ATP8A1: variants seen among roughly 807,000 people sequenced by gnomAD.
ATP8A1 encodes the protein phospholipid-transporting ATPase IA.
ATP8A1 carries 90 observed loss-of-function variants against 177.7 expected under a neutral mutation model. That is an observed-to-expected ratio of 0.51 (90% CI 0.43 to 0.60). The LOEUF (loss-of-function observed/expected upper bound fraction) is 0.60, where lower values mean the gene tolerates loss of function less well. Ranked by LOEUF, ATP8A1 falls within the 20% of genes least tolerant of loss-of-function variation. The pLI is 0.00. For missense variants in ATP8A1, 1,072 were observed against 1,392.8 expected (o/e 0.77, Z 3.67); for synonymous variants, 493 against 485.9 (o/e 1.01, Z -0.19).
chr4:42,430,313 C>T (rs1210388569), intron 33 of ATP8A1, among the ~76,000 whole-genome samples: 1 of 152,000 alleles, frequency 6.6e-6, no homozygotes, highest in African/African-American at 2.4e-5. Context: ...GTTCCCTGTA[C>T]ATACTATTCT....
At chr4:42,558,993 C>T (rs766004960) in intron 15 of ATP8A1, among the ~76,000 whole-genome samples, 1 of 152,112 alleles carries the variant, frequency 6.6e-6, no homozygotes, top group South Asian at 2.1e-4. Flanking sequence ...CTGGGCAACA[C>T]AGCAAGACCT....
At chr4:42,466,693 T>C (rs1191303016) in intron 25 of ATP8A1, among the ~76,000 whole-genome samples, 1 of 152,272 alleles carries the variant, frequency 6.6e-6, no homozygotes, top group African/African-American at 2.4e-5. Context: ...ATGACACAAC[T>C]GTGAACTCAG....
intron 14 of ATP8A1, 118 bp downstream of exon 14, chr4:42,574,501 C>A: frequency 1.3e-6 from 1 of 750,118 alleles, no homozygotes; most frequent in Non-Finnish European, 2.2e-6. Context: ...AGCTGCTTTT[C>A]AGACTAAAAA....
chr4:42,519,106 GA>G (rs1309285590), intron 22 of ATP8A1, among the ~76,000 whole-genome samples: 3 of 152,010 alleles, frequency 2.0e-5, no homozygotes, highest in Non-Finnish European at 4.4e-5. Flanking sequence ...TTTTTACCTT[GA>G]GACAGGGTCT....
intron 20 of ATP8A1, among the ~76,000 whole-genome samples, chr4:42,539,566 A>G (rs1293990630): frequency 2.0e-5 from 3 of 152,180 alleles, no homozygotes; most frequent in Admixed American, 1.3e-4. Context: ...TTACAAGGCT[A>G]TAGTAACCAA....
chr4:42,422,826 C>A lies in ATP8A1; in HGVS notation c.3286G>T (p.Ala1096Ser), dbSNP rs2153167890. The change falls in exon 35 of 37, where the codon GCA (alanine) becomes TCA (serine). Residue 1096 changes from alanine to serine, a missense_variant. Ala to Ser is a moderately conservative substitution (Grantham distance 99). Transcript: ENST00000381668. Reference protein sequence around the residue: ...ELEAKSQDPGAVVLGKSLTER... With the variant: ...ELEAKSQDPGSVVLGKSLTER... ...TTTTACCTTTTTCCAAGTACAACTGCTCCTGGGTCTTGAGATTTTGCCTCC... is the reference window on the plus strand; with the variant it reads ...TTTTACCTTTTTCCAAGTACAACTGATCCTGGGTCTTGAGATTTTGCCTCC... 2 of 1,612,822 alleles carry A rather than the reference C, an allele frequency of 1.2e-6. No homozygotes were observed. The highest frequency in any genetic ancestry group is 4.5e-5 in the East Asian group (2 of 44,844).
intron 24 of ATP8A1, among the ~76,000 whole-genome samples, chr4:42,500,929 C>T (rs1401535300): frequency 2.0e-5 from 3 of 151,868 alleles, no homozygotes; most frequent in East Asian, 1.9e-4. Context: ...GGAATTTCTT[C>T]GGTGGTGATC....
At chr4:42,585,352 C>T (rs1733510677) in intron 9 of ATP8A1, among the ~76,000 whole-genome samples, 1 of 151,436 alleles carries the variant, frequency 6.6e-6, no homozygotes, top group African/African-American at 2.4e-5. Context: ...TACCTTACTG[C>T]AAGAAAGTAA....
At chr4:42,575,533 C>T (rs1310869991) in intron 13 of ATP8A1, 89 bp downstream of exon 13, 4 of 976,012 alleles carry the variant, frequency 4.1e-6, no homozygotes, top group Non-Finnish European at 4.8e-6. Context: ...TAAAAGCTGT[C>T]CATTCATCTG....
intron 29 of ATP8A1, among the ~76,000 whole-genome samples, chr4:42,454,125 C>A (rs1311350242): frequency 6.6e-6 from 1 of 152,174 alleles, no homozygotes; most frequent in Non-Finnish European, 1.5e-5. Flanking sequence ...CCTGAGCTAA[C>A]CAAATTCATT....
rs1184999497 is a variant in ATP8A1, at chr4:42,657,083, C to T, written c.-210G>A. The T allele has an allele frequency of 7.1e-6, 3 of 421,472 alleles. No individual in the cohort carries two copies. Among genetic ancestry groups the T allele is most frequent in the South Asian group, 1.2e-4 (1 of 8,008 alleles). The allele number at this position is 421,472 out of a possible 1,614,324, so 26.1% of individuals were successfully genotyped here. On this transcript the variant is annotated 5_prime_UTR_variant, in exon 1 of 37. Transcript: ENST00000381668. ...AGCGGTGGCGGCGAAGGTGGCGGCGCCCGCAGAGCTGGGCGAGCTCTTGCT... is the reference window on the plus strand; with the variant it reads ...AGCGGTGGCGGCGAAGGTGGCGGCGTCCGCAGAGCTGGGCGAGCTCTTGCT...
chr4:42,586,558 AGTCTTAAG>A, intron 8 of ATP8A1, 82 bp from the exon 9 acceptor site: 1 of 1,332,532 alleles, frequency 7.5e-7, no homozygotes, highest in South Asian at 1.3e-5. Flanking sequence ...AATTCATCCA[AGTCTTAAG>A]ATCTAAAAGA....
At chr4:42,600,971 T>C (rs1036205373) in intron 5 of ATP8A1, among the ~76,000 whole-genome samples, 1 of 147,916 alleles carries the variant, frequency 6.8e-6, no homozygotes, top group African/African-American at 2.5e-5. Flanking sequence ...AATTTGTACC[T>C]TTAGGTTTAT....
In ATP8A1 at chr4:42,439,207, C is replaced by T. The variant is rs73810706; in HGVS notation, c.3123+4358G>A. Among the ~76,000 whole-genome samples, 539 of 152,010 alleles carry T rather than the reference C, an allele frequency of 3.5e-3. 2 individuals carry two copies. Among genetic ancestry groups the T allele is most frequent in the African/African-American group, 0.012 (509 of 41,466 alleles). On this transcript the variant is annotated intron_variant, in intron 33 of 36. Transcript: ENST00000381668. ...TTTTAAGATAGTTCTCTGAAGTGGA[C>T]GCAGTAAAGAGAGGCATACAAGAGA...
chr4:42,612,855 C>A (rs2109439556), intron 5 of ATP8A1, among the ~76,000 whole-genome samples: 1 of 152,112 alleles, frequency 6.6e-6, no homozygotes, highest in African/African-American at 2.4e-5. Context: ...AGAGTGTTAC[C>A]CTCTGATGCC....
At position 42,546,595 on chromosome 4, in the gene ATP8A1, A is replaced by C. The variant is rs1343626283; in HGVS notation, c.1652+2418T>G. On this transcript the variant is annotated intron_variant, in intron 19 of 36. Transcript: ENST00000381668. ...TTAAAGTATAATAAAAAAAAAAAAA[A>C]CAAAAAAACTCACCCGATGCAACCA... 2.0e-5 allele frequency among the ~76,000 whole-genome samples: 3 copies of C among 148,882 alleles called. No individual in the cohort carries two copies. In the South Asian group the frequency reaches 6.5e-4, roughly 32 times the overall value.
intron 27 of ATP8A1, among the ~76,000 whole-genome samples, chr4:42,457,015 A>G (rs1282166830): frequency 2.0e-5 from 3 of 151,410 alleles, no homozygotes; most frequent in Non-Finnish European, 4.4e-5. Context: ...GAGATGGAAA[A>G]GAAAACAAAG....
chr4:42,542,803 A>G (rs775963662), intron 20 of ATP8A1, among the ~76,000 whole-genome samples: 2 of 152,102 alleles, frequency 1.3e-5, no homozygotes, highest in African/African-American at 4.8e-5. Context: ...TCCATGGTGT[A>G]TATGTGTTAA....
chr4:42,453,872 T>A (rs1254330498), intron 29 of ATP8A1, among the ~76,000 whole-genome samples: 1 of 152,152 alleles, frequency 6.6e-6, no homozygotes, highest in Non-Finnish European at 1.5e-5. Flanking sequence ...CCAGAGGCCA[T>A]AGTCTGATTG....
Sources: gnomAD v4.1 joint callset for allele counts (sites outside exome capture counted in the v4.1 genomes callset) on GRCh38, gnomAD v4.1.1 for gene constraint, MANE v1.5 for transcripts, NCBI Gene and HGNC (gene_info 2026-07-23, HGNC 2026-07-21) for gene names.